Variants in VDR observed in about 807,000 individuals in gnomAD.
The protein encoded by VDR is vitamin D3 receptor.
VDR carries 19 observed loss-of-function variants against 39.7 expected under a neutral mutation model. That is an observed-to-expected ratio of 0.48 (90% CI 0.33 to 0.70). The LOEUF is 0.70. Ranked by LOEUF, VDR falls within the 30% of genes least tolerant of loss-of-function variation. The probability of loss-of-function intolerance (pLI) is 0.02; values close to 1 mark genes in which losing one functional copy is unlikely to be tolerated. For missense variants in VDR, 442 were observed against 570.5 expected (o/e 0.77, Z 2.29); for synonymous variants, 242 against 215.8 (o/e 1.12, Z -1.07).
chr12:47,899,549 G>A (rs1946522712), intron 1 of VDR, among the ~76,000 whole-genome samples: 1 of 152,240 alleles, frequency 6.6e-6, no homozygotes, highest in African/African-American at 2.4e-5. Context: ...CAGACCCTGT[G>A]TTTCTCCTGT....
intron 7 of VDR, among the ~76,000 whole-genome samples, chr12:47,852,842 G>A (rs892580758): frequency 9.2e-5 from 14 of 152,032 alleles, no homozygotes; most frequent in South Asian, 2.1e-4. Flanking sequence ...CCAATATATG[G>A]CACCTCATAA....
rs952062957 is a variant in VDR at position 47,844,496 on chromosome 12, C to T, written c.*250G>A. The T allele has an allele frequency of 1.7e-6, 1 of 601,872 alleles. No individual in the cohort carries two copies. The allele number at this position is 601,872 out of a possible 1,614,324, so 37.3% of individuals were successfully genotyped here. A position where few individuals can be genotyped will look rare whatever the true frequency, so the allele number is the denominator to read the frequency against. On this transcript the variant is annotated 3_prime_UTR_variant, in exon 10 of 10. Transcript: ENST00000549336. ...GCCTCCAGCCTCTGCCCTCTGCCCC[C>T]ACTTGGGTTTCTTTGTCAAACAAAC...
In VDR at chr12:47,889,649, A is replaced by G. The variant is rs1389736407; in HGVS notation, c.-83-6875T>C. ...TTCCCAAGGATATCTGCTACAGGGA[A>G]AAGTTGATGAGACAAGGAGGCTATT... On this transcript the variant is annotated intron_variant, in intron 1 of 9. Coordinates refer to ENST00000549336, the MANE Select transcript of VDR (RefSeq NM_000376.3). Among the ~76,000 whole-genome samples, 3 of 152,170 alleles carry G rather than the reference A, an allele frequency of 2.0e-5. No individual in the cohort carries two copies. In the East Asian group the frequency reaches 5.8e-4, roughly 29 times the overall value.
At chr12:47,874,251 G>A (rs2137190448) in intron 3 of VDR, among the ~76,000 whole-genome samples, 1 of 152,252 alleles carries the variant, frequency 6.6e-6, no homozygotes, top group South Asian at 2.1e-4. Context: ...AAGTGGACCT[G>A]GACAAAGTCT....
chr12:47,891,698 G>C (rs1946371309), intron 1 of VDR, among the ~76,000 whole-genome samples: 1 of 152,176 alleles, frequency 6.6e-6, no homozygotes, highest in South Asian at 2.1e-4. Flanking sequence ...TGGCTCCCAA[G>C]TTGTCACTGA....
At chr12:47,862,644 C>T (rs138726298) in intron 4 of VDR, among the ~76,000 whole-genome samples, 7 of 152,338 alleles carry the variant, frequency 4.6e-5, no homozygotes, top group African/African-American at 7.2e-5. Context: ...CCTCCTTGCT[C>T]GGACAGCAGG....
chr12:47,904,699 C>T, intron 1 of VDR: 3 of 1,471,742 alleles, frequency 2.0e-6, no homozygotes, highest in Non-Finnish European at 2.7e-6. Flanking sequence ...ACTGTGTTAG[C>T]GGAGCATTTC....
In VDR at chr12:47,899,933, G is replaced by T. The variant is rs11168293; in HGVS notation, c.-84+5022C>A. ...AGAGGAGGCTAGAGTCCATTTCTCC[G>T]TCCAGCTGGGCTAGGTTCAGGAGCC... On this transcript the variant is annotated intron_variant, in intron 1 of 9. Coordinates refer to ENST00000549336, the MANE Select transcript of VDR (RefSeq NM_000376.3). 0.32 allele frequency: 314,971 copies of T among 984,234 alleles called. 52,499 individuals are homozygous for T. Among genetic ancestry groups the T allele is most frequent in the Non-Finnish European group, 0.34 (281,945 of 828,796 alleles). The allele number at this position is 984,234 out of a possible 1,614,324, so 61.0% of individuals were successfully genotyped here.
At chr12:47,885,929 T>C (rs1241736953) in intron 1 of VDR, among the ~76,000 whole-genome samples, 1 of 152,192 alleles carries the variant, frequency 6.6e-6, no homozygotes, top group East Asian at 1.9e-4. Context: ...CATTCATGCC[T>C]CAGTGAGTGA....
chr12:47,858,390 C>G (rs1945541230), intron 4 of VDR, among the ~76,000 whole-genome samples: 1 of 152,218 alleles, frequency 6.6e-6, no homozygotes, highest in Non-Finnish European at 1.5e-5. Flanking sequence ...TGGTTCTCTG[C>G]AAAACCACCC....
rs1946363182 is a variant in VDR, at chr12:47,891,212, C to T, written c.-83-8438G>A. 3.3e-5 allele frequency among the ~76,000 whole-genome samples: 5 copies of T among 152,152 alleles called. No individual in the cohort carries two copies. The South Asian group carries it at 1.0e-3, about 32-fold the overall frequency. On this transcript the variant is annotated intron_variant, in intron 1 of 9. Coordinates refer to ENST00000549336, the MANE Select transcript of VDR (RefSeq NM_000376.3). ...TGGCCACCTGACCACTGTTCAGATG[C>T]CCCCAGAGCCCATTCCTGTCTCCTT... is the stretch of plus-strand genomic sequence containing the variant.
intron 1 of VDR, among the ~76,000 whole-genome samples, chr12:47,901,813 C>T (rs1565641111): frequency 6.6e-6 from 1 of 152,168 alleles, no homozygotes; most frequent in Non-Finnish European, 1.5e-5. Context: ...GTTGGCAGAC[C>T]TTCCTGTCCC....
intron 1 of VDR, among the ~76,000 whole-genome samples, chr12:47,890,980 C>T (rs998175122): frequency 1.3e-5 from 2 of 152,186 alleles, no homozygotes; most frequent in Non-Finnish European, 2.9e-5. Flanking sequence ...CTTTGAGGCC[C>T]AACAACCTAC....
At chr12:47,859,239 G>A (rs1945558781) in intron 4 of VDR, among the ~76,000 whole-genome samples, 2 of 152,240 alleles carry the variant, frequency 1.3e-5, no homozygotes, top group Admixed American at 6.5e-5. Flanking sequence ...GGTGTCTACA[G>A]GCACGTAGCT....
chr12:47,876,158 TG>T (rs1945997104), intron 3 of VDR, among the ~76,000 whole-genome samples: 1 of 152,186 alleles, frequency 6.6e-6, no homozygotes, highest in Non-Finnish European at 1.5e-5. Context: ...GTATTGATTT[TG>T]GTAAATTTTA....
chr12:47,843,017 T>C lies in VDR; in HGVS notation c.*1729A>G, dbSNP rs1314712978. 6.6e-6 allele frequency: 1 copy of C among 152,182 alleles called. No homozygotes were observed. The highest frequency in any genetic ancestry group is 1.5e-5 in the Non-Finnish European group (1 of 68,030). 9.4% of individuals were successfully genotyped at this position (152,182 alleles called of 1,614,324 possible). A position where few individuals can be genotyped will look rare whatever the true frequency, so the allele number is the denominator to read the frequency against. The stretch of plus-strand genomic sequence containing the variant: ...TTTCACAATGTAAGTTCTCCCCCCA[T>C]AAATATCTCCAAATCAGTGGTACCT... On this transcript the variant is annotated 3_prime_UTR_variant, in exon 10 of 10. Transcript: ENST00000549336.
intron 7 of VDR, among the ~76,000 whole-genome samples, chr12:47,854,745 C>A (rs552335609): frequency 6.6e-6 from 1 of 152,264 alleles, no homozygotes; most frequent in African/African-American, 2.4e-5. Context: ...GGCTTCCACA[C>A]CATCATCCAG....
Position 47,892,745 on chromosome 12 carries a change from C to T in VDR, c.-83-9971G>A, listed in dbSNP as rs147817584. On this transcript the variant is annotated intron_variant, in intron 1 of 9. Coordinates refer to ENST00000549336, the MANE Select transcript of VDR (RefSeq NM_000376.3). ...GGTGGGGATGGGGGACAAACAGGAA[C>T]CTCCAATTCAGTACGACACATCCTA... is the stretch of plus-strand genomic sequence containing the variant. Among the ~76,000 whole-genome samples the T allele has an allele frequency of 1.0e-3, 154 of 152,264 alleles. No homozygotes were observed. In the South Asian group the frequency reaches 0.017, roughly 17 times the overall value.
At chr12:47,903,200 G>C (rs1440308719) in intron 1 of VDR, among the ~76,000 whole-genome samples, 1 of 152,166 alleles carries the variant, frequency 6.6e-6, no homozygotes, top group African/African-American at 2.4e-5. Flanking sequence ...AAGGGTCCAA[G>C]TCACAGCTGA....
Sources: gnomAD v4.1 joint callset for allele counts (sites outside exome capture counted in the v4.1 genomes callset) on GRCh38, gnomAD v4.1.1 for gene constraint, MANE v1.5 for transcripts, NCBI Gene and HGNC (gene_info 2026-07-23, HGNC 2026-07-21) for gene names.